The following SLC12A8 variants were observed in gnomAD, a reference collection of about 807,000 sequenced individuals.
The protein encoded by SLC12A8 is cation-chloride cotransporter 9.
In SLC12A8, 69 loss-of-function variants were observed where a neutral mutation model predicts 75.6. The ratio of observed to expected loss-of-function variants is 0.91; its 90% CI spans 0.75 to 1.11. The LOEUF is 1.11. SLC12A8 is among the 50% of genes most tolerant of loss of function. The pLI is 0.00. For synonymous variants in SLC12A8, 365 were observed against 372.8 expected (o/e 0.98, Z 0.24); for missense variants, 877 against 896.7 (o/e 0.98, Z 0.28).
rs1434274870 is a variant in SLC12A8 at position 125,170,040 on chromosome 3, CA to C, written c.622+7702del. Among the ~76,000 whole-genome samples, 121 of 150,844 alleles carry C rather than the reference CA, an allele frequency of 8.0e-4. No individual in the cohort carries two copies. The East Asian group carries it at 9.3e-3, about 12-fold the overall frequency. On this transcript the variant is annotated intron_variant, in intron 5 of 13. Transcript: ENST00000469902. ...AAAAAATACAAGTGGGAATAAAATA[CA>C]AAAAAAAATCCTCATTAATGATTCA...
chr3:125,107,557 T>C lies in SLC12A8; in HGVS notation c.1629A>G (p.Glu543=), dbSNP rs756380396. ...CATATGTTCCCTCAGGCTGAGTCCC[T>C]TCGCTCTTGGAAGTCTGCTTGTTCC... ...SCWNKQTSKS[E]GTQPEGTYGE... Residue 543 remains glutamate (E), a synonymous_variant, in exon 10 of 14, where the codon GAA becomes GAG. Coordinates refer to ENST00000469902, the MANE Select transcript of SLC12A8 (RefSeq NM_024628.6). The C allele has an allele frequency of 3.1e-6, 5 of 1,614,176 alleles. No homozygotes were observed. In the South Asian group the frequency reaches 3.3e-5, roughly 11 times the overall value.
intron 4 of SLC12A8, among the ~76,000 whole-genome samples, chr3:125,186,579 T>C (rs899951641): frequency 2.6e-5 from 4 of 152,260 alleles, no homozygotes; most frequent in African/African-American, 9.6e-5. Flanking sequence ...AAGAACTGCT[T>C]CTTAATGTCT....
chr3:125,182,144 T>A (rs1934678830), intron 4 of SLC12A8, among the ~76,000 whole-genome samples: 1 of 152,104 alleles, frequency 6.6e-6, no homozygotes, highest in Non-Finnish European at 1.5e-5. Context: ...GGGTAACATG[T>A]CAAAACTTTG....
chr3:125,206,185 T>C (rs1166988142), intron 2 of SLC12A8, among the ~76,000 whole-genome samples: 4 of 152,214 alleles, frequency 2.6e-5, no homozygotes, highest in African/African-American at 7.2e-5. Context: ...TTCTTAACCA[T>C]ACACTGGCTA....
At chr3:125,087,923 G>A (rs1938500166) in intron 13 of SLC12A8, 1 of 174,900 alleles carries the variant, frequency 5.7e-6, no homozygotes, top group South Asian at 1.6e-4. Context: ...ATGGAAGAAT[G>A]TGCTTCCTGG....
intron 5 of SLC12A8, among the ~76,000 whole-genome samples, chr3:125,160,067 T>C (rs1198508583): frequency 6.6e-6 from 1 of 152,194 alleles, no homozygotes; most frequent in African/African-American, 2.4e-5. Flanking sequence ...CTCAGCCTTC[T>C]GAGTACCTGA....
chr3:125,185,592 A>T (rs959589723), intron 4 of SLC12A8, among the ~76,000 whole-genome samples: 23 of 152,212 alleles, frequency 1.5e-4, no homozygotes, highest in African/African-American at 5.5e-4. Context: ...ATAGAGAAGG[A>T]GGGAACACCT....
rs370770658 is a variant in SLC12A8, at chr3:125,147,674, T to C, written c.623-11892A>G. Among the ~76,000 whole-genome samples the C allele has an allele frequency of 1.1e-4, 16 of 152,240 alleles. 2 individuals carry two copies. Among genetic ancestry groups the C allele is most frequent in the South Asian group, 8.3e-4 (4 of 4,822 alleles). The stretch of plus-strand genomic sequence containing the variant: ...CTGGACAGCCTGGGAAGTGTTTTGA[T>C]GACTGATCAACCCAGAGAGCACGAG... On this transcript the variant is annotated intron_variant, in intron 5 of 13. Coordinates refer to ENST00000469902, the MANE Select transcript of SLC12A8 (RefSeq NM_024628.6).
intron 5 of SLC12A8, among the ~76,000 whole-genome samples, chr3:125,140,684 C>G (rs1215861713): frequency 6.6e-6 from 1 of 150,978 alleles, no homozygotes; most frequent in Non-Finnish European, 1.5e-5. Flanking sequence ...CAAAGTCATT[C>G]CCCAGGAATT....
chr3:125,102,236 G>A (rs1938894814), intron 10 of SLC12A8, among the ~76,000 whole-genome samples: 1 of 152,152 alleles, frequency 6.6e-6, no homozygotes, highest in African/African-American at 2.4e-5. Context: ...GATGGAGAAG[G>A]GGGAGGTGAA....
At chr3:125,139,322 A>G (rs1167537225) in intron 5 of SLC12A8, among the ~76,000 whole-genome samples, 4 of 152,156 alleles carry the variant, frequency 2.6e-5, no homozygotes, top group African/African-American at 9.7e-5. Context: ...AGAATTTTCT[A>G]ACTCTTTGAC....
At chr3:125,210,561 T>C (rs1935316881) in intron 2 of SLC12A8, among the ~76,000 whole-genome samples, 1 of 152,252 alleles carries the variant, frequency 6.6e-6, no homozygotes, top group African/African-American at 2.4e-5. Flanking sequence ...ATTTTCTGTC[T>C]GGGTTTCTTG....
intron 4 of SLC12A8, among the ~76,000 whole-genome samples, chr3:125,181,622 A>AG (rs1934664081): frequency 1.5e-5 from 2 of 131,670 alleles, no homozygotes; most frequent in Non-Finnish European, 3.4e-5. Context: ...AAAAAAAAAA[A>AG]AAAAAGAAAA....
chr3:125,194,287 C>A (rs929941791), intron 2 of SLC12A8, among the ~76,000 whole-genome samples: 9 of 152,334 alleles, frequency 5.9e-5, no homozygotes, highest in African/African-American at 1.9e-4. Flanking sequence ...TTCCCAAGCC[C>A]CCAGGACAAG....
chr3:125,139,981 C>G (rs1436779123), intron 5 of SLC12A8, among the ~76,000 whole-genome samples: 1 of 152,222 alleles, frequency 6.6e-6, no homozygotes, highest in Non-Finnish European at 1.5e-5. Flanking sequence ...TCTACTCTAG[C>G]AGCTACATCT....
intron 2 of SLC12A8, among the ~76,000 whole-genome samples, chr3:125,200,875 C>T (rs567338478): frequency 1.6e-4 from 24 of 152,264 alleles, no homozygotes; most frequent in African/African-American, 5.1e-4. Context: ...AGGAACGCAA[C>T]TATTTTTGGC....
intron 12 of SLC12A8, among the ~76,000 whole-genome samples, 200 bp from the exon 13 acceptor site, chr3:125,088,570 T>G (rs115314482): frequency 6.6e-6 from 1 of 152,228 alleles, no homozygotes; most frequent in Non-Finnish European, 1.5e-5. Flanking sequence ...TTTACTCATG[T>G]GAATCCTTCA....
chr3:125,086,198 A>G (rs1938457788), intron 13 of SLC12A8, among the ~76,000 whole-genome samples: 1 of 151,822 alleles, frequency 6.6e-6, no homozygotes, highest in African/African-American at 2.4e-5. Flanking sequence ...GGTTCTTTCA[A>G]CCTCCTGAAT....
chr3:125,095,418 A>G (rs1938689372), intron 10 of SLC12A8, among the ~76,000 whole-genome samples: 1 of 152,250 alleles, frequency 6.6e-6, no homozygotes, highest in Non-Finnish European at 1.5e-5. Flanking sequence ...TATTCTGGAT[A>G]CAATGACTCC....
Sources: allele counts gnomAD v4.1 joint callset (sites outside exome capture counted in the v4.1 genomes callset), GRCh38; gene constraint gnomAD v4.1.1; transcripts MANE v1.5; gene names NCBI Gene and HGNC (gene_info 2026-07-23, HGNC 2026-07-21).